Variants in TNR observed in about 807,000 individuals in gnomAD.
The protein encoded by TNR is tenascin-R.
A neutral mutation model predicts 150.4 loss-of-function variants in TNR; 45 were observed. The ratio of observed to expected loss-of-function variants is 0.30; its 90% CI spans 0.24 to 0.38. The LOEUF is 0.38. TNR is among the 10% of genes least tolerant of loss of function. The probability of loss-of-function intolerance (pLI) is 1.00; values close to 1 mark genes in which losing one functional copy is unlikely to be tolerated. For synonymous variants in TNR, 687 were observed against 678.4 expected, an observed-to-expected ratio of 1.01 and a Z score of -0.20; for missense variants, 1,544 against 1,759.1, an observed-to-expected ratio of 0.88 and a Z score of 2.19.
At chr1:175,468,469 T>C (rs923247886) in intron 2 of TNR, among the ~76,000 whole-genome samples, 1 of 152,200 alleles carries the variant, frequency 6.6e-6, no homozygotes, top group Admixed American at 6.5e-5. Context: ...TGAGCACTTA[T>C]TACATGCAAT....
At chr1:175,589,679 G>T (rs1662717371) in intron 1 of TNR, among the ~76,000 whole-genome samples, 1 of 152,158 alleles carries the variant, frequency 6.6e-6, no homozygotes, top group Non-Finnish European at 1.5e-5. Flanking sequence ...AAAAAAGGAT[G>T]AATTCGTGTC....
intron 2 of TNR, among the ~76,000 whole-genome samples, chr1:175,484,200 T>C (rs1657918703): frequency 6.6e-6 from 1 of 152,144 alleles, no homozygotes; most frequent in Non-Finnish European, 1.5e-5. Context: ...ATGAAAACCA[T>C]CTCTATGCTA....
At chr1:175,367,362 G>A (rs1651893578) in intron 9 of TNR, 65 bp from the exon 10 acceptor site, 1 of 1,391,004 alleles carries the variant, frequency 7.2e-7, no homozygotes, top group South Asian at 1.2e-5. Context: ...GGCTGAAAGT[G>A]GGAAGAAAAT....
intron 2 of TNR, among the ~76,000 whole-genome samples, chr1:175,452,574 G>C (rs1210033667): frequency 1.3e-5 from 2 of 152,218 alleles, no homozygotes; most frequent in African/African-American, 2.4e-5. Context: ...TGTGAGAGCT[G>C]GGCAGAGGCT....
At chr1:175,460,973 A>T (rs948776803) in intron 2 of TNR, among the ~76,000 whole-genome samples, 7 of 152,154 alleles carry the variant, frequency 4.6e-5, no homozygotes, top group African/African-American at 1.7e-4. Flanking sequence ...GGGTGTGCAC[A>T]CATACACACA....
At chr1:175,596,664 C>T (rs879568031) in intron 1 of TNR, among the ~76,000 whole-genome samples, 5 of 152,136 alleles carry the variant, frequency 3.3e-5, no homozygotes, top group Admixed American at 1.3e-4. Context: ...AATCAGCCTC[C>T]GTTCAGCAAC....
At position 175,406,794 on chromosome 1, in the gene TNR, G is replaced by A; in HGVS notation, c.-63-17C>T. The A allele has an allele frequency of 6.4e-7, 1 of 1,550,576 alleles. No individual in the cohort carries two copies. The highest frequency in any genetic ancestry group is 8.7e-7 in the Non-Finnish European group (1 of 1,147,078). On this transcript the variant is annotated splice_polypyrimidine_tract_variant and intron_variant, in intron 2 of 22. Coordinates refer to ENST00000367674, the MANE Select transcript of TNR (RefSeq NM_003285.3). ...TGTGGGAATCTGCAACGGAAACCAA[G>A]GAAAGAGACAACCTCTGAGACCTAT...
intron 20 of TNR, among the ~76,000 whole-genome samples, chr1:175,330,767 T>TAGCC (rs1649707206): frequency 6.6e-6 from 1 of 152,216 alleles, no homozygotes; most frequent in African/African-American, 2.4e-5. Context: ...TGGGGCTCCA[T>TAGCC]AGCCAGGTCA....
chr1:175,522,717 GC>G (rs199677585), intron 2 of TNR, among the ~76,000 whole-genome samples: 2 of 152,102 alleles, frequency 1.3e-5, no homozygotes, highest in East Asian at 1.9e-4. Flanking sequence ...GTAAAAAGAT[GC>G]CCCCCCACAA....
chr1:175,391,240 C>T, intron 7 of TNR, 48 bp downstream of exon 7: 1 of 1,594,572 alleles, frequency 6.3e-7, no homozygotes, highest in Non-Finnish European at 8.5e-7. Context: ...GGTTCTTTTC[C>T]AAGTGACCTA....
intron 1 of TNR, among the ~76,000 whole-genome samples, chr1:175,704,216 T>C (rs1021668252): frequency 1.3e-5 from 2 of 152,240 alleles, no homozygotes; most frequent in African/African-American, 4.8e-5. Flanking sequence ...AATTTTATGT[T>C]ACGTGGATTT....
chr1:175,600,886 C>A (rs538696147), intron 1 of TNR, among the ~76,000 whole-genome samples: 1 of 152,196 alleles, frequency 6.6e-6, no homozygotes, highest in Non-Finnish European at 1.5e-5. Context: ...TTAAGACTTA[C>A]GCTACAGAGG....
chr1:175,360,735 A>T (rs1213705670), intron 14 of TNR, among the ~76,000 whole-genome samples: 1 of 152,228 alleles, frequency 6.6e-6, no homozygotes, highest in African/African-American at 2.4e-5. Context: ...TTGGAATTGT[A>T]TCCATAATCT....
At chr1:175,328,177 G>C (rs1024999554) in intron 21 of TNR, among the ~76,000 whole-genome samples, 2 of 152,178 alleles carry the variant, frequency 1.3e-5, no homozygotes, top group Non-Finnish European at 2.9e-5. Flanking sequence ...GTTACTTCCT[G>C]TTTCTTTTTA....
At chr1:175,663,029 A>G (rs1490847277) in intron 1 of TNR, among the ~76,000 whole-genome samples, 1 of 152,210 alleles carries the variant, frequency 6.6e-6, no homozygotes, top group African/African-American at 2.4e-5. Flanking sequence ...GAGATAATTC[A>G]TGTAACATCC....
At chr1:175,648,285 G>A (rs1487380969) in intron 1 of TNR, among the ~76,000 whole-genome samples, 2 of 152,168 alleles carry the variant, frequency 1.3e-5, no homozygotes, top group Middle Eastern at 3.4e-3. Flanking sequence ...CACTTAATAC[G>A]TGCTCAATGG....
At chr1:175,730,663 A>C (rs1231023078) in intron 1 of TNR, among the ~76,000 whole-genome samples, 1 of 152,240 alleles carries the variant, frequency 6.6e-6, no homozygotes, top group Non-Finnish European at 1.5e-5. Flanking sequence ...CTTTATTCTC[A>C]CCAGGTTTAT....
chr1:175,704,414 G>A (rs1267387358), intron 1 of TNR, among the ~76,000 whole-genome samples: 1 of 152,212 alleles, frequency 6.6e-6, no homozygotes, highest in Non-Finnish European at 1.5e-5. Flanking sequence ...TGGAGAAAGA[G>A]GCATTGGGGA....
chr1:175,737,811 C>G (rs760604899), intron 1 of TNR, among the ~76,000 whole-genome samples: 10 of 152,164 alleles, frequency 6.6e-5, no homozygotes, highest in Non-Finnish European at 1.5e-4. Context: ...CCCGAGGAGA[C>G]CAGGCTGGAA....
Sources: gnomAD v4.1 joint callset for allele counts (sites outside exome capture counted in the v4.1 genomes callset) on GRCh38, gnomAD v4.1.1 for gene constraint, MANE v1.5 for transcripts, NCBI Gene and HGNC (gene_info 2026-07-23, HGNC 2026-07-21) for gene names.